GSE1: variants seen among roughly 807,000 people sequenced by gnomAD.
The protein encoded by GSE1 is Gse1 coiled-coil protein.
GSE1 carries 32 observed loss-of-function variants against 112.6 expected under a neutral mutation model. The observed-to-expected ratio is 0.28, with a 90% CI of 0.21 to 0.38. The LOEUF is 0.38. GSE1 is among the 10% of genes least tolerant of loss of function. The pLI is 1.00. For missense variants in GSE1, 2,348 were observed against 1,699.2 expected (o/e 1.38, Z -6.71); for synonymous variants, 1,115 against 735.6 (o/e 1.52, Z -8.35).
At chr16:85,560,326 G>T (rs1005762015) in intron 1 of GSE1, among the ~76,000 whole-genome samples, 1 of 151,820 alleles carries the variant, frequency 6.6e-6, no homozygotes, top group African/African-American at 2.4e-5. Flanking sequence ...TAGTAGAGAC[G>T]GGGTTTTACC....
chr16:85,237,948 C>T (rs189827058), intron 1 of GSE1, among the ~76,000 whole-genome samples: 17 of 152,148 alleles, frequency 1.1e-4, no homozygotes, highest in African/African-American at 3.4e-4. Context: ...CCTGGGACAT[C>T]GTAGGAGTTT....
rs777956991 is a variant in GSE1 at position 85,655,732 on chromosome 16, C to G, written c.804C>G (p.Asp268Glu). ...HPFPHPAFRM[D>E]DSYCLSALRS... is the part of the protein sequence containing the mutation. ...CCCCGTCTTCTCTGCACAGGATGGA[C>G]GACTCCTACTGCCTGTCTGCCCTGA... The change falls in exon 6 of 16, where the codon GAC (aspartate) becomes GAG (glutamate). Residue 268 changes from aspartate (D) to glutamate (E), a missense_variant. By Grantham distance (45) the Asp-to-Glu change is conservative. Coordinates refer to ENST00000253458, the MANE Select transcript of GSE1 (RefSeq NM_014615.5). The G allele has an allele frequency of 1.3e-6, 2 of 1,599,786 alleles. No individual in the cohort carries two copies. The highest frequency in any genetic ancestry group is 1.7e-6 in the Non-Finnish European group (2 of 1,172,720).
chr16:85,376,082 C>A (rs369980335), intron 2 of GSE1, among the ~76,000 whole-genome samples: 7 of 152,102 alleles, frequency 4.6e-5, no homozygotes, highest in Non-Finnish European at 1.0e-4. Flanking sequence ...TGAGCAACTG[C>A]CCCCAACCCT....
At chr16:85,552,308 A>T (rs1414514621), upstream of GSE1, among the ~76,000 whole-genome samples, 1 of 112,888 alleles carries the variant, frequency 8.9e-6, no homozygotes, top group Non-Finnish European at 1.9e-5. Context: ...TACAGGCGTG[A>T]ACCACCGCAC....
At chr16:85,596,045 C>T (rs180818190) in intron 1 of GSE1, among the ~76,000 whole-genome samples, 1 of 150,906 alleles carries the variant, frequency 6.6e-6, no homozygotes, top group East Asian at 1.9e-4. Flanking sequence ...CCCATCCACC[C>T]ATTCCTCCGT....
intron 2 of GSE1, among the ~76,000 whole-genome samples, chr16:85,426,030 G>GATGA (rs1567476964): frequency 9.4e-6 from 1 of 106,338 alleles, no homozygotes; most frequent in African/African-American, 3.4e-5. Flanking sequence ...ATGGAAAATG[G>GATGA]ATGGATGGAT....
chr16:85,276,219 G>C (rs941853925), intron 1 of GSE1, among the ~76,000 whole-genome samples: 1 of 152,262 alleles, frequency 6.6e-6, no homozygotes, highest in Non-Finnish European at 1.5e-5. Context: ...GACCCTCCTG[G>C]TGGCTGCCAG....
chr16:85,393,989 C>T (rs1054889320), intron 2 of GSE1, among the ~76,000 whole-genome samples: 4 of 152,006 alleles, frequency 2.6e-5, no homozygotes, highest in Non-Finnish European at 4.4e-5. Flanking sequence ...GAGCGCGCCC[C>T]TCTTCTCGGG....
intron 2 of GSE1, among the ~76,000 whole-genome samples, chr16:85,548,271 T>G (rs1218767785): frequency 2.9e-5 from 4 of 138,394 alleles, no homozygotes; most frequent in South Asian, 2.3e-4. Context: ...AAGAAAGAAA[T>G]ATTCGAATTA....
At chr16:85,385,981 C>G (rs997062429) in intron 2 of GSE1, among the ~76,000 whole-genome samples, 1 of 152,204 alleles carries the variant, frequency 6.6e-6, no homozygotes, top group African/African-American at 2.4e-5. Context: ...AGGGAGCGAA[C>G]CCCCATTCCC....
chr16:85,561,206 G>A (rs1391650602), intron 1 of GSE1, among the ~76,000 whole-genome samples: 1 of 152,114 alleles, frequency 6.6e-6, no homozygotes, highest in African/African-American at 2.4e-5. Flanking sequence ...GCCAGACACG[G>A]TGCTTCCTCA....
intron 1 of GSE1, among the ~76,000 whole-genome samples, chr16:85,250,964 G>T (rs536211197): frequency 3.9e-5 from 6 of 152,254 alleles, no homozygotes; most frequent in South Asian, 4.2e-4. Context: ...CCTGGTTTCC[G>T]CAGTCATCCA....
At chr16:85,246,333 C>T (rs113590765) in intron 1 of GSE1, among the ~76,000 whole-genome samples, 2 of 31,532 alleles carry the variant, frequency 6.3e-5, no homozygotes, top group Non-Finnish European at 1.2e-4. Context: ...ACACACACAC[C>T]CCCCACACGC....
At chr16:85,335,910 G>T (rs968698552) in intron 1 of GSE1, among the ~76,000 whole-genome samples, 17 of 152,202 alleles carry the variant, frequency 1.1e-4, no homozygotes, top group Non-Finnish European at 2.1e-4. Flanking sequence ...GTCCCATAAA[G>T]AAGGCTCCAG....
rs142693643 is a variant in GSE1, at chr16:85,183,198, CAT to C, written c.2283+11392_2283+11393del. Among the ~76,000 whole-genome samples the C allele has an allele frequency of 1.4e-3, 208 of 152,302 alleles. 5 individuals are homozygous for C. The East Asian group carries it at 0.023, about 17-fold the overall frequency. Reference sequence around the variant, plus strand: ...ACACACACCCGCATGTCCTCACACACATGTGTATGCACACACTCCCACACACC... The same window carrying C: ...ACACACACCCGCATGTCCTCACACACGTGTATGCACACACTCCCACACACC... On this transcript the variant is annotated intron_variant, in intron 1 of 2. Transcript: ENST00000637419.
chr16:85,423,355 C>T (rs1190028290), intron 2 of GSE1, among the ~76,000 whole-genome samples: 1 of 152,222 alleles, frequency 6.6e-6, no homozygotes, highest in Non-Finnish European at 1.5e-5. Context: ...GGGCTCCACC[C>T]AGCTGCTGCT....
intron 1 of GSE1, among the ~76,000 whole-genome samples, chr16:85,331,884 C>G (rs576348279): frequency 6.6e-6 from 1 of 151,752 alleles, no homozygotes; most frequent in African/African-American, 2.4e-5. Context: ...GGGTGTGCCT[C>G]CCATGTTTGG....
intron 1 of GSE1, among the ~76,000 whole-genome samples, chr16:85,281,308 G>C (rs2044851559): frequency 6.6e-6 from 1 of 151,976 alleles, no homozygotes; most frequent in Non-Finnish European, 1.5e-5. Context: ...GCTCCTCTGA[G>C]AACAGCACTC....
intron 1 of GSE1, among the ~76,000 whole-genome samples, chr16:85,181,037 G>A (rs973828524): frequency 2.6e-5 from 4 of 152,216 alleles, no homozygotes; most frequent in Non-Finnish European, 4.4e-5. Context: ...AAGAACATGT[G>A]TTTCATGATG....
Sources: gnomAD v4.1 joint callset for allele counts (sites outside exome capture counted in the v4.1 genomes callset) on GRCh38, gnomAD v4.1.1 for gene constraint, MANE v1.5 for transcripts, NCBI Gene and HGNC (gene_info 2026-07-23, HGNC 2026-07-21) for gene names.